SPAM1: variants seen among roughly 807,000 people sequenced by gnomAD.
SPAM1 encodes sperm adhesion molecule 1.
In SPAM1, 22 loss-of-function variants were observed where a neutral mutation model predicts 29.6. That is an observed-to-expected ratio of 0.74 (90% confidence interval 0.53 to 1.06). SPAM1 has a LOEUF of 1.06. Among genes scored for constraint, SPAM1 ranks in the 50% least tolerant of loss-of-function variants. The probability of loss-of-function intolerance (pLI) is 0.00; values close to 1 mark genes in which losing one functional copy is unlikely to be tolerated. For synonymous variants in SPAM1, 194 were observed against 204.6 expected, an observed-to-expected ratio of 0.95 and a Z score of 0.44; for missense variants, 534 against 604.0, an observed-to-expected ratio of 0.88 and a Z score of 1.21.
downstream of SPAM1, among the ~76,000 whole-genome samples, chr7:123,961,716 A>G (rs182264583): frequency 6.1e-4 from 93 of 151,984 alleles, 1 homozygote; most frequent in Admixed American, 3.7e-3. Context: ...GTATTAGTCC[A>G]TTTTCACGCT....
intron 1 of SPAM1, among the ~76,000 whole-genome samples, chr7:123,943,934 A>T (rs1808499531): frequency 6.6e-6 from 1 of 152,196 alleles, no homozygotes; most frequent in Non-Finnish European, 1.5e-5. Flanking sequence ...AACTTTAATT[A>T]TCTTGACCAT....
At chr7:123,943,214 A>G (rs747195240) in intron 1 of SPAM1, among the ~76,000 whole-genome samples, 17 of 152,132 alleles carry the variant, frequency 1.1e-4, no homozygotes, top group Non-Finnish European at 2.1e-4. Context: ...ATATTCATGA[A>G]CATTTCAGCT....
At chr7:123,940,960 T>A (rs572072362) in intron 1 of SPAM1, among the ~76,000 whole-genome samples, 10 of 152,340 alleles carry the variant, frequency 6.6e-5, no homozygotes, top group Non-Finnish European at 1.3e-4. Flanking sequence ...TGATTGTGAT[T>A]TTCTAGTCTC....
chr7:123,942,347 T>TTG (rs1808457589), intron 1 of SPAM1, among the ~76,000 whole-genome samples: 1 of 152,134 alleles, frequency 6.6e-6, no homozygotes, highest in Non-Finnish European at 1.5e-5. Context: ...TGTACTACAG[T>TTG]TATTTACTGC....
intron 1 of SPAM1, among the ~76,000 whole-genome samples, chr7:123,940,751 A>T (rs896595375): frequency 5.9e-5 from 9 of 152,242 alleles, no homozygotes; most frequent in Admixed American, 4.6e-4. Context: ...CCACGTTGGC[A>T]TCTCAAATCT....
At chr7:123,961,622 A>G (rs746715130), downstream of SPAM1, among the ~76,000 whole-genome samples, 8 of 152,010 alleles carry the variant, frequency 5.3e-5, no homozygotes, top group Middle Eastern at 3.2e-3. Flanking sequence ...TAGTGCTGCA[A>G]TAAACACGGG....
At chr7:123,954,909 T>A in intron 3 of SPAM1, 88 bp from the exon 4 acceptor site, 4 of 808,040 alleles carry the variant, frequency 5.0e-6, no homozygotes, top group Non-Finnish European at 8.7e-6. Flanking sequence ...TATTATTGGG[T>A]CAGCATGCTT....
intron 1 of SPAM1, among the ~76,000 whole-genome samples, chr7:123,942,058 G>C (rs1808445844): frequency 6.6e-6 from 1 of 152,192 alleles, no homozygotes; most frequent in Non-Finnish European, 1.5e-5. Context: ...CAGTAGGCTG[G>C]TATGAAAGTG....
At chr7:123,940,883 A>G (rs969796548) in intron 1 of SPAM1, among the ~76,000 whole-genome samples, 7 of 152,184 alleles carry the variant, frequency 4.6e-5, no homozygotes, top group African/African-American at 1.4e-4. Context: ...GAAGAATTCA[A>G]TATTTCCAAT....
At chr7:123,930,230 CT>C (rs768988959) in intron 1 of SPAM1, among the ~76,000 whole-genome samples, 1 of 152,072 alleles carries the variant, frequency 6.6e-6, no homozygotes, top group Non-Finnish European at 1.5e-5. Context: ...TGAGAGTTCT[CT>C]AAAAATCTTT....
intron 5 of SPAM1, among the ~76,000 whole-genome samples, chr7:123,967,293 G>A (rs911168528): frequency 4.6e-5 from 7 of 151,912 alleles, no homozygotes; most frequent in Non-Finnish European, 8.8e-5. Flanking sequence ...AGATAAATCT[G>A]GTATTACAAT....
At chr7:123,930,750 C>G (rs532040138) in intron 1 of SPAM1, among the ~76,000 whole-genome samples, 2 of 152,294 alleles carry the variant, frequency 1.3e-5, no homozygotes, top group South Asian at 4.1e-4. Flanking sequence ...AACTTACATA[C>G]AAGGATGGTC....
intron 1 of SPAM1, among the ~76,000 whole-genome samples, chr7:123,926,580 A>G (rs535293300): frequency 6.6e-6 from 1 of 152,304 alleles, no homozygotes; most frequent in Non-Finnish European, 1.5e-5. Context: ...TCCTGAGAAC[A>G]TGTGTCCAAG....
rs528821272 is a variant in SPAM1 at position 123,959,556 on chromosome 7, G to T, written c.1117G>T (p.Ala373Ser). The change falls in exon 5 of 5, where the codon GCC becomes TCC. Residue 373 changes from alanine to serine, a missense_variant. Transcript: ENST00000682466. ...TTACATAATCAACGTCACACTAGCA[G>T]CCAAAATGTGTAGCCAAGTGCTTTG... ...NPYIINVTLA[A>S]KMCSQVLCQE... 6.2e-7 allele frequency: 1 copy of T among 1,613,120 alleles called. No homozygotes were observed. Among genetic ancestry groups the T allele is most frequent in the Admixed American group, 1.7e-5 (1 of 59,834 alleles).
At chr7:123,965,499 C>T (rs1317006597) in intron 5 of SPAM1, among the ~76,000 whole-genome samples, 1 of 151,886 alleles carries the variant, frequency 6.6e-6, no homozygotes, top group African/African-American at 2.4e-5. Flanking sequence ...GGAAGGGGGT[C>T]CAGTTTCAAT....
chr7:123,928,382 T>A (rs938541838), intron 1 of SPAM1, among the ~76,000 whole-genome samples: 1 of 152,132 alleles, frequency 6.6e-6, no homozygotes, highest in African/African-American at 2.4e-5. Context: ...AGGTTTGGTC[T>A]GAAGGTAGGA....
intron 1 of SPAM1, among the ~76,000 whole-genome samples, chr7:123,948,245 T>C (rs987042333): frequency 6.6e-6 from 1 of 152,194 alleles, no homozygotes. Flanking sequence ...AAAAGTTTCC[T>C]TAAAATTCTT....
At chr7:123,933,057 T>A (rs77215346) in intron 1 of SPAM1, among the ~76,000 whole-genome samples, 4,864 of 152,076 alleles carry the variant, frequency 0.032, 108 homozygotes, top group African/African-American at 0.053. Flanking sequence ...ATTTTATTTT[T>A]TTTTTTTTAA....
At chr7:123,960,408 C>T (rs1327503346), downstream of SPAM1, among the ~76,000 whole-genome samples, 4 of 151,890 alleles carry the variant, frequency 2.6e-5, no homozygotes, top group Non-Finnish European at 5.9e-5. Context: ...TTCTATTTCT[C>T]CTCTGCTCAG....
Sources: allele counts gnomAD v4.1 joint callset (sites outside exome capture counted in the v4.1 genomes callset), GRCh38; gene constraint gnomAD v4.1.1; transcripts MANE v1.5; gene names NCBI Gene and HGNC (gene_info 2026-07-23, HGNC 2026-07-21).